GCLM: variants seen among roughly 807,000 people sequenced by gnomAD.
The protein encoded by GCLM is glutamate--cysteine ligase regulatory subunit.
A neutral mutation model predicts 36.0 loss-of-function variants in GCLM; 15 were observed. That is an observed-to-expected ratio of 0.42 (90% CI 0.28 to 0.64). The LOEUF is 0.64. GCLM is among the 30% of genes least tolerant of loss of function. The probability of loss-of-function intolerance (pLI) is 0.25; values close to 1 mark genes in which losing one functional copy is unlikely to be tolerated. For missense variants in GCLM, 242 were observed against 325.5 expected (o/e 0.74, Z 1.97); for synonymous variants, 129 against 122.8 (o/e 1.05, Z -0.34).
At chr1:93,902,064 G>A (rs1326152087) in intron 2 of GCLM, among the ~76,000 whole-genome samples, 2 of 151,940 alleles carry the variant, frequency 1.3e-5, no homozygotes, top group Admixed American at 6.6e-5. Context: ...TAATAAACAC[G>A]TTCTACATTA....
At chr1:93,901,986 A>G (rs1445554142) in intron 2 of GCLM, among the ~76,000 whole-genome samples, 1 of 152,032 alleles carries the variant, frequency 6.6e-6, no homozygotes, top group African/African-American at 2.4e-5. Flanking sequence ...GGAGTTAGAA[A>G]CAGTAGCACA....
rs1326046024 is a variant in GCLM at position 93,886,259 on chromosome 1, T to C, written c.*2731A>G. 6.6e-6 allele frequency: 1 copy of C among 152,176 alleles called. No homozygotes were observed. The highest frequency in any genetic ancestry group is 1.9e-4 in the East Asian group (1 of 5,204). 9.4% of individuals were successfully genotyped at this position (152,176 alleles called of 1,614,324 possible). The stretch of plus-strand genomic sequence containing the variant: ...AAAAAAAACAATTATATAAACTTTC[T>C]ACCTTGGTCTCACTGGATGCACATC... On this transcript the variant is annotated 3_prime_UTR_variant, in exon 7 of 7. Transcript: ENST00000370238.
At chr1:93,889,271 A>ATAT (rs1308120652) in intron 6 of GCLM, 112 bp from the exon 7 acceptor site, 2 of 575,096 alleles carry the variant, frequency 3.5e-6, no homozygotes, top group Non-Finnish European at 5.8e-6. Context: ...TCAACATTTA[A>ATAT]TATATAATAT....
intron 6 of GCLM, among the ~76,000 whole-genome samples, chr1:93,893,295 G>T (rs1656602357): frequency 1.3e-5 from 2 of 152,154 alleles, no homozygotes; most frequent in Non-Finnish European, 2.9e-5. Flanking sequence ...TTGTTGTGAG[G>T]ATTATAGATA....
Position 93,909,256 on chromosome 1 carries a change from A to G in GCLM, c.-93T>C. On this transcript the variant is annotated 5_prime_UTR_variant, in exon 1 of 7. Transcript: ENST00000370238. ...CACAGGACGCGGTGCCCGAGGCCCG[A>G]GAGAGACCCGAGAGGGAGCGCGAGG... is the stretch of plus-strand genomic sequence containing the variant. 1.8e-6 allele frequency: 2 copies of G among 1,086,334 alleles called. No homozygotes were observed. Among genetic ancestry groups the G allele is most frequent in the Non-Finnish European group, 2.2e-6 (2 of 897,578 alleles). 67.3% of individuals were successfully genotyped at this position (1,086,334 alleles called of 1,614,324 possible).
rs1656279793 is a variant in GCLM, at chr1:93,885,723, CAGA to C, written c.*3264_*3266del. On this transcript the variant is annotated 3_prime_UTR_variant, in exon 7 of 7. Transcript: ENST00000370238. ...CACATTTCTCTGAATGCATATTTTG[CAGA>C]AGGATGAACTGCTAGCCAACATACA... The C allele has an allele frequency of 6.6e-6, 1 of 152,104 alleles. No homozygotes were observed. Among genetic ancestry groups the C allele is most frequent in the Admixed American group, 6.6e-5 (1 of 15,262 alleles). 9.4% of individuals were successfully genotyped at this position (152,104 alleles called of 1,614,324 possible). A position where few individuals can be genotyped will look rare whatever the true frequency, so the allele number is the denominator to read the frequency against.
At chr1:93,902,412 T>C (rs1430673313) in intron 2 of GCLM, among the ~76,000 whole-genome samples, 1 of 151,508 alleles carries the variant, frequency 6.6e-6, no homozygotes, top group African/African-American at 2.4e-5. Context: ...TCTCCTGACC[T>C]TGTGATCCGC....
chr1:93,896,645 CTG>C lies in GCLM; in HGVS notation c.511_512del (p.Gln171ValfsTer14), dbSNP rs1557728622. ...AIGTSDLDKT[Q>X]LEQLYQWAQV... ...GTGCCCACTGATACAGCTGTTCCAACTGTGTTTTGTCTAGATCAGAGGTACCT... is the reference window on the plus strand; with the variant it reads ...GTGCCCACTGATACAGCTGTTCCAACTGTTTTGTCTAGATCAGAGGTACCT... On this transcript the variant is annotated frameshift_variant, in exon 5 of 7. Transcript: ENST00000370238. LOFTEE classifies it high-confidence loss of function. The C allele has an allele frequency of 6.2e-7, 1 of 1,614,124 alleles. No individual in the cohort carries two copies. The highest frequency in any genetic ancestry group is 8.5e-7 in the Non-Finnish European group (1 of 1,179,976).
At chr1:93,903,918 C>A (rs145114148) in intron 2 of GCLM, among the ~76,000 whole-genome samples, 252 of 152,214 alleles carry the variant, frequency 1.7e-3, no homozygotes, top group African/African-American at 5.7e-3. Context: ...TTAAAAAAAA[C>A]CATAACTCAA....
Position 93,896,688 on chromosome 1 carries a change from T to C in GCLM, c.470A>G (p.Lys157Arg). Reference protein sequence around the residue: ...WEELENLVQSKKIVAIGTSDL... With the variant: ...WEELENLVQSRKIVAIGTSDL... Reference sequence around the variant, plus strand: ...AGAGGTACCTATGGCAACAATCTTTTTGCTCTGAACTAAGTTTTCTAATTC... The same window carrying C: ...AGAGGTACCTATGGCAACAATCTTTCTGCTCTGAACTAAGTTTTCTAATTC... Residue 157 changes from lysine to arginine, a missense_variant, in exon 5 of 7, where the codon AAA (lysine) becomes AGA (arginine). Physicochemically the swap from Lys to Arg is conservative, Grantham distance 26 (BLOSUM62 2). Coordinates refer to ENST00000370238, the MANE Select transcript of GCLM (RefSeq NM_002061.4). The C allele has an allele frequency of 6.2e-7, 1 of 1,614,096 alleles. No homozygotes were observed. The highest frequency in any genetic ancestry group is 8.5e-7 in the Non-Finnish European group (1 of 1,179,956).
Position 93,909,034 on chromosome 1 carries a change from T to C in GCLM, c.126+4A>G. 1 of 1,462,792 alleles carries C rather than the reference T, an allele frequency of 6.8e-7. No individual in the cohort carries two copies. Among genetic ancestry groups the C allele is most frequent in the Non-Finnish European group, 9.0e-7 (1 of 1,112,288 alleles). The allele number at this position is 1,462,792 out of a possible 1,614,324, so 90.6% of individuals were successfully genotyped here. ...AGCCCCGCGGCGAGTGTCGCCACGC[T>C]CACCTCCTCGCTGTGCGTGGACGGG... On this transcript the variant is annotated splice_donor_region_variant and intron_variant, in intron 1 of 6. Transcript: ENST00000370238.
In GCLM at chr1:93,899,492, C is replaced by G. The variant is rs138403447; in HGVS notation, c.278-1594G>C. Among the ~76,000 whole-genome samples the G allele has an allele frequency of 3.0e-3, 455 of 152,232 alleles. 5 individuals are homozygous for G. Among genetic ancestry groups the G allele is most frequent in the African/African-American group, 0.01 (430 of 41,544 alleles). ...GTTAGTAAATGTTCCAGTACTAGTT[C>G]CAGTTTTCTGTTTTCGCATATATAA... On this transcript the variant is annotated intron_variant, in intron 3 of 6. Transcript: ENST00000370238.
At chr1:93,897,011 T>C (rs17880789) in intron 4 of GCLM, among the ~76,000 whole-genome samples, 191 bp from the exon 5 acceptor site, 239 of 152,360 alleles carry the variant, frequency 1.6e-3, no homozygotes, top group African/African-American at 5.4e-3. Flanking sequence ...CCCATTTACC[T>C]ACTTGCTCTG....
intron 6 of GCLM, among the ~76,000 whole-genome samples, chr1:93,889,594 T>C (rs1656458972): frequency 6.6e-6 from 1 of 151,900 alleles, no homozygotes; most frequent in Non-Finnish European, 1.5e-5. Context: ...TATATATATA[T>C]CTTCATCCAT....
In GCLM at chr1:93,900,216, A is replaced by C. The variant is rs187917579; in HGVS notation, c.277+1369T>G. On this transcript the variant is annotated intron_variant, in intron 3 of 6. Transcript: ENST00000370238. ...TATAACTCTATGAAAGCCCCCCCCA[A>C]TACTATTTCTCTGTCCATGAATTTG... 4.6e-5 allele frequency among the ~76,000 whole-genome samples: 7 copies of C among 151,922 alleles called. No individual in the cohort carries two copies. The South Asian group carries it at 6.2e-4, about 14-fold the overall frequency.
chr1:93,892,787 C>T (rs2064764), intron 6 of GCLM, among the ~76,000 whole-genome samples: 67,597 of 151,980 alleles, frequency 0.44, 16,898 homozygotes, highest in African/African-American at 0.68. Flanking sequence ...TCTTTTCCTA[C>T]TTCCTTTCCT....
intron 1 of GCLM, 22 bp downstream of exon 1, chr1:93,909,016 C>T: frequency 1.4e-6 from 2 of 1,442,366 alleles, no homozygotes; most frequent in Non-Finnish European, 1.8e-6. Context: ...GGGAGCCCCG[C>T]GGCGAGTGTC....
chr1:93,887,039 A>C lies in GCLM; in HGVS notation c.*1951T>G, dbSNP rs536713549. 1.7e-3 allele frequency: 229 copies of C among 137,436 alleles called. No homozygotes were observed. The highest frequency in any genetic ancestry group is 6.1e-3 in the African/African-American group (213 of 35,070). 8.5% of individuals were successfully genotyped at this position (137,436 alleles called of 1,614,324 possible). On this transcript the variant is annotated 3_prime_UTR_variant, in exon 7 of 7. Coordinates refer to ENST00000370238, the MANE Select transcript of GCLM (RefSeq NM_002061.4). ...GAGACGCAGTCTCGCTCTGTCGCCC[A>C]GGCTGGAGTGCAATGGCGTGATCTC...
intron 1 of GCLM, 87 bp from the exon 2 acceptor site, chr1:93,904,675 G>A: frequency 1.5e-5 from 13 of 849,738 alleles, no homozygotes; most frequent in Admixed American, 1.1e-4. Context: ...AATTTGATAA[G>A]CAGGAAAAAA....
Sources: gnomAD v4.1 joint callset for allele counts (sites outside exome capture counted in the v4.1 genomes callset) on GRCh38, gnomAD v4.1.1 for gene constraint, MANE v1.5 for transcripts, NCBI Gene and HGNC (gene_info 2026-07-23, HGNC 2026-07-21) for gene names.